The following FOXN3 variants were observed in gnomAD, a reference collection of about 807,000 sequenced individuals.
FOXN3 encodes forkhead box N3, also known as forkhead box protein N3.
In FOXN3, 7 loss-of-function variants were observed where a neutral mutation model predicts 38.4. That is an observed-to-expected ratio of 0.18 (90% CI 0.10 to 0.34). The LOEUF is 0.34. Ranked by LOEUF, FOXN3 falls within the 10% of genes least tolerant of loss-of-function variation. The probability of loss-of-function intolerance (pLI) is 1.00; values close to 1 mark genes in which losing one functional copy is unlikely to be tolerated. For missense variants in FOXN3, 456 were observed against 613.4 expected, an observed-to-expected ratio of 0.74 and a Z score of 2.71; for synonymous variants, 230 against 242.2, an observed-to-expected ratio of 0.95 and a Z score of 0.47.
At chr14:89,351,998 T>C (rs1307505555) in intron 2 of FOXN3, among the ~76,000 whole-genome samples, 1 of 152,226 alleles carries the variant, frequency 6.6e-6, no homozygotes, top group Non-Finnish European at 1.5e-5. Context: ...CCCATTAAAA[T>C]ACTTTATTAT....
At chr14:89,420,649 T>C (rs1219839109), upstream of FOXN3, among the ~76,000 whole-genome samples, 2 of 152,140 alleles carry the variant, frequency 1.3e-5, no homozygotes, top group Non-Finnish European at 1.5e-5. Flanking sequence ...GAGGAACTCA[T>C]TCACTGAACA....
chr14:89,185,923 TAAAAAG>T (rs1233739937), intron 4 of FOXN3: 1 of 152,274 alleles, frequency 6.6e-6, no homozygotes, highest in African/African-American at 2.4e-5. Context: ...CTGAGAATCT[TAAAAAG>T]AAAAAAGTCT....
At chr14:89,514,532 G>A (rs1277031459) in intron 1 of FOXN3, among the ~76,000 whole-genome samples, 3 of 152,196 alleles carry the variant, frequency 2.0e-5, no homozygotes, top group Non-Finnish European at 4.4e-5. Flanking sequence ...CTTAGACACA[G>A]ACATCATCTA....
intron 4 of FOXN3, among the ~76,000 whole-genome samples, chr14:89,278,356 G>C (rs1286943551): frequency 1.3e-5 from 2 of 152,042 alleles, no homozygotes; most frequent in East Asian, 3.9e-4. Flanking sequence ...ACAACACCTA[G>C]GAATTATGGG....
intron 4 of FOXN3, among the ~76,000 whole-genome samples, chr14:89,245,173 G>A (rs1022341442): frequency 6.6e-6 from 1 of 152,136 alleles, no homozygotes. Flanking sequence ...ATGCTAAAAC[G>A]TGAATAAAAA....
intron 4 of FOXN3, among the ~76,000 whole-genome samples, chr14:89,220,133 C>T (rs1277808381): frequency 6.6e-6 from 1 of 152,162 alleles, no homozygotes; most frequent in Non-Finnish European, 1.5e-5. Flanking sequence ...CTTCCTCTTG[C>T]GAGGCCCAGC....
chr14:89,541,060 T>G (rs1894782633), intron 1 of FOXN3, among the ~76,000 whole-genome samples: 1 of 152,200 alleles, frequency 6.6e-6, no homozygotes, highest in African/African-American at 2.4e-5. Context: ...TTACCGATTT[T>G]GATTTCAATT....
intron 1 of FOXN3, among the ~76,000 whole-genome samples, chr14:89,509,313 T>C (rs993366733): frequency 1.5e-5 from 2 of 137,638 alleles, no homozygotes; most frequent in East Asian, 2.0e-4. Flanking sequence ...GCAAATTATA[T>C]ACAGTTTTTT....
At chr14:89,584,413 A>C (rs1895805776) in intron 1 of FOXN3, among the ~76,000 whole-genome samples, 1 of 152,078 alleles carries the variant, frequency 6.6e-6, no homozygotes, top group African/African-American at 2.4e-5. Context: ...TAAATAAATA[A>C]TAAATAAATA....
intron 3 of FOXN3, among the ~76,000 whole-genome samples, chr14:89,329,855 CAAAAAAAAAAAAAA>C (rs57791098): frequency 1.7e-3 from 104 of 59,872 alleles, no homozygotes; most frequent in African/African-American, 4.9e-3. Flanking sequence ...GACTCAGTCT[CAAAAAAAAAAAAAA>C]AAAAAAAAAA....
At chr14:89,247,013 T>C (rs1407878109) in intron 4 of FOXN3, among the ~76,000 whole-genome samples, 1 of 152,110 alleles carries the variant, frequency 6.6e-6, no homozygotes. Context: ...CCCTCTTTCC[T>C]TTCTTTCTTC....
rs1890237955 is a variant in FOXN3, at chr14:89,369,105, T to C, written c.544-18297A>G. On this transcript the variant is annotated intron_variant, in intron 2 of 5. Transcript: ENST00000557258. ...GGAGGGGAGAGGCAGAGAAGCTTGA[T>C]GCGTTATCCAGGAACACACATGGAT... is the stretch of plus-strand genomic sequence containing the variant. 3.3e-5 allele frequency among the ~76,000 whole-genome samples: 5 copies of C among 152,306 alleles called. No homozygotes were observed. In the South Asian group the frequency reaches 1.0e-3, roughly 32 times the overall value.
At chr14:89,462,688 T>C (rs1395097787) in intron 1 of FOXN3, among the ~76,000 whole-genome samples, 33 of 139,252 alleles carry the variant, frequency 2.4e-4, no homozygotes, top group Admixed American at 2.2e-3. Context: ...CCTCTTCTTC[T>C]TTTTTTTTTT....
chr14:89,525,928 T>C (rs539158840), intron 1 of FOXN3, among the ~76,000 whole-genome samples: 2 of 151,942 alleles, frequency 1.3e-5, no homozygotes, highest in South Asian at 4.1e-4. Flanking sequence ...CATGGCCAAG[T>C]GGAGTTTATT....
chr14:89,360,767 T>TCCAGCACCACCTCCAGC (rs1889494212), intron 2 of FOXN3, among the ~76,000 whole-genome samples: 7 of 17,804 alleles, frequency 3.9e-4, no homozygotes, highest in African/African-American at 6.6e-4. Flanking sequence ...CCTCCACCAC[T>TCCAGCACCACCTCCAGC]ACCACCTCCA....
intron 4 of FOXN3, among the ~76,000 whole-genome samples, chr14:89,272,207 G>A (rs968308357): frequency 3.3e-5 from 5 of 152,134 alleles, no homozygotes; most frequent in African/African-American, 1.2e-4. Flanking sequence ...AGCTACTTTG[G>A]GAGGCTGAGG....
At chr14:89,566,488 A>C (rs1338075236) in intron 1 of FOXN3, among the ~76,000 whole-genome samples, 1 of 152,214 alleles carries the variant, frequency 6.6e-6, no homozygotes, top group Non-Finnish European at 1.5e-5. Context: ...AAATCACAAG[A>C]CGCTTGCTTC....
At chr14:89,195,190 C>T (rs1262133210) in intron 4 of FOXN3, among the ~76,000 whole-genome samples, 1 of 152,198 alleles carries the variant, frequency 6.6e-6, no homozygotes, top group Non-Finnish European at 1.5e-5. Context: ...TGCCTCTGCA[C>T]ACTTCTCCCA....
intron 1 of FOXN3, among the ~76,000 whole-genome samples, chr14:89,462,758 C>T (rs1220000759): frequency 1.3e-5 from 2 of 151,382 alleles, no homozygotes; most frequent in African/African-American, 4.8e-5. Context: ...GATCTCGGCT[C>T]ACTGCAACCT....
Sources: gnomAD v4.1 joint callset for allele counts (sites outside exome capture counted in the v4.1 genomes callset) on GRCh38, gnomAD v4.1.1 for gene constraint, MANE v1.5 for transcripts, NCBI Gene and HGNC (gene_info 2026-07-23, HGNC 2026-07-21) for gene names.